Variants in ADCY2 observed in about 807,000 individuals in gnomAD.
ADCY2 encodes the protein adenylate cyclase type 2.
In ADCY2, 31 loss-of-function variants were observed where a neutral mutation model predicts 125.2. The observed-to-expected ratio is 0.25, with a 90% CI of 0.19 to 0.33. The LOEUF (loss-of-function observed/expected upper bound fraction) is 0.33, where lower values mean the gene tolerates loss of function less well. Among genes scored for constraint, ADCY2 ranks in the 10% least tolerant of loss-of-function variants. The probability of loss-of-function intolerance (pLI) is 1.00; values close to 1 mark genes in which losing one functional copy is unlikely to be tolerated. For missense variants in ADCY2, 904 were observed against 1,418.2 expected (o/e 0.64, Z 5.82); for synonymous variants, 512 against 548.4 (o/e 0.93, Z 0.93).
chr5:7,444,513 G>A (rs1241268008), intron 2 of ADCY2, among the ~76,000 whole-genome samples: 1 of 151,958 alleles, frequency 6.6e-6, no homozygotes, highest in Non-Finnish European at 1.5e-5. Context: ...TTGGCTGCAT[G>A]TTTCATTTCA....
At chr5:7,430,392 A>G (rs771282143) in intron 2 of ADCY2, among the ~76,000 whole-genome samples, 46 of 152,036 alleles carry the variant, frequency 3.0e-4, no homozygotes, top group Non-Finnish European at 5.7e-4. Flanking sequence ...GACATTCCAA[A>G]GAAAGAAAAC....
chr5:7,459,772 ATTTT>A (rs3033085), intron 2 of ADCY2, among the ~76,000 whole-genome samples: 1,674 of 72,328 alleles, frequency 0.023, 3 homozygotes, highest in Middle Eastern at 0.086. Context: ...TTAAGAGGTA[ATTTT>A]TTTTTTTTTT....
intron 2 of ADCY2, among the ~76,000 whole-genome samples, chr5:7,458,558 G>C (rs1479600339): frequency 2.0e-5 from 3 of 152,052 alleles, no homozygotes; most frequent in African/African-American, 7.3e-5. Flanking sequence ...CTGAACTTCA[G>C]CTTTCTCGTT....
chr5:7,413,013 A>T (rs966730443), intron 1 of ADCY2, among the ~76,000 whole-genome samples: 3 of 152,202 alleles, frequency 2.0e-5, no homozygotes, highest in Non-Finnish European at 4.4e-5. Context: ...TAACACACAT[A>T]ATTGTGGGAG....
At chr5:7,682,491 G>A (rs1049659405) in intron 4 of ADCY2, among the ~76,000 whole-genome samples, 8 of 152,108 alleles carry the variant, frequency 5.3e-5, no homozygotes, top group African/African-American at 7.2e-5. Context: ...AAATTCGAGC[G>A]TCTAAGCTTG....
At chr5:7,695,256 TC>T (rs1740850584) in intron 5 of ADCY2, among the ~76,000 whole-genome samples, 1 of 152,202 alleles carries the variant, frequency 6.6e-6, no homozygotes, top group Non-Finnish European at 1.5e-5. Flanking sequence ...CTCCTCACTG[TC>T]CAATCTGCCC....
At chr5:7,809,097 A>G (rs1048129618) in intron 22 of ADCY2, among the ~76,000 whole-genome samples, 1 of 152,242 alleles carries the variant, frequency 6.6e-6, no homozygotes, top group Admixed American at 6.5e-5. Context: ...CTCCATGGCC[A>G]TAGTAAGTAA....
At chr5:7,437,610 C>T (rs985820225) in intron 2 of ADCY2, among the ~76,000 whole-genome samples, 26 of 152,224 alleles carry the variant, frequency 1.7e-4, no homozygotes, top group Admixed American at 7.2e-4. Flanking sequence ...GTGCCGGGCA[C>T]GGCGTGATAG....
At chr5:7,444,153 T>G (rs894615597) in intron 2 of ADCY2, among the ~76,000 whole-genome samples, 4 of 142,738 alleles carry the variant, frequency 2.8e-5, no homozygotes, top group African/African-American at 7.8e-5. Context: ...TCGCTCTGTC[T>G]CCCCGGCTGG....
chr5:7,745,523 G>T (rs1055518752), intron 15 of ADCY2, among the ~76,000 whole-genome samples: 1 of 152,202 alleles, frequency 6.6e-6, no homozygotes, highest in Non-Finnish European at 1.5e-5. Context: ...AATCCACTCC[G>T]AAAGGCCCTG....
intron 3 of ADCY2, among the ~76,000 whole-genome samples, chr5:7,567,333 T>C (rs533765919): frequency 6.6e-6 from 1 of 151,760 alleles, no homozygotes; most frequent in South Asian, 2.1e-4. Context: ...CCAAGCACAA[T>C]AAACTTATCT....
At chr5:7,791,679 C>T (rs326130) in intron 20 of ADCY2, among the ~76,000 whole-genome samples, 4 of 151,984 alleles carry the variant, frequency 2.6e-5, no homozygotes, top group Admixed American at 2.0e-4. Flanking sequence ...CCTCTGTTCT[C>T]GTTAACAGGA....
chr5:7,461,426 A>G (rs1741914361), intron 2 of ADCY2, among the ~76,000 whole-genome samples: 2 of 152,224 alleles, frequency 1.3e-5, no homozygotes, highest in Non-Finnish European at 2.9e-5. Context: ...CCATTGTGAT[A>G]TGCATCAAAT....
intron 3 of ADCY2, among the ~76,000 whole-genome samples, chr5:7,525,786 C>G (rs373989091): frequency 6.6e-6 from 1 of 152,136 alleles, no homozygotes; most frequent in Admixed American, 6.5e-5. Flanking sequence ...CTTGATCAAC[C>G]GTAAAAAATA....
chr5:7,427,315 G>A (rs1403343777), intron 2 of ADCY2, among the ~76,000 whole-genome samples: 1 of 152,160 alleles, frequency 6.6e-6, no homozygotes, highest in African/African-American at 2.4e-5. Flanking sequence ...GCTCAGGACT[G>A]GGTAATTTAT....
At chr5:7,554,254 A>G (rs1735434956) in intron 3 of ADCY2, among the ~76,000 whole-genome samples, 1 of 152,232 alleles carries the variant, frequency 6.6e-6, no homozygotes, top group East Asian at 1.9e-4. Context: ...AAAAGTAAGT[A>G]AATAAAGGGA....
At chr5:7,712,480 A>G (rs529576921) in intron 10 of ADCY2, among the ~76,000 whole-genome samples, 11 of 152,254 alleles carry the variant, frequency 7.2e-5, no homozygotes, top group Admixed American at 4.6e-4. Flanking sequence ...GCATTTTCTA[A>G]TATTTGTCTG....
chr5:7,645,004 C>T (rs1224994056), intron 4 of ADCY2, among the ~76,000 whole-genome samples: 1 of 152,126 alleles, frequency 6.6e-6, no homozygotes, highest in Non-Finnish European at 1.5e-5. Context: ...CAATTCTGTC[C>T]TTGTTATGAG....
At chr5:7,648,871 G>T (rs879710525) in intron 4 of ADCY2, among the ~76,000 whole-genome samples, 3 of 152,022 alleles carry the variant, frequency 2.0e-5, no homozygotes, top group Non-Finnish European at 4.4e-5. Context: ...TTTTGCCCAT[G>T]GTTATGGCTT....
Sources: allele counts gnomAD v4.1 joint callset (sites outside exome capture counted in the v4.1 genomes callset), GRCh38; gene constraint gnomAD v4.1.1; transcripts MANE v1.5; gene names NCBI Gene and HGNC (gene_info 2026-07-23, HGNC 2026-07-21).